The following ZFP14 variants were observed in gnomAD, a reference collection of about 807,000 sequenced individuals.
ZFP14 encodes the protein ZFP14 zinc finger protein.
A neutral mutation model predicts 54.5 loss-of-function variants in ZFP14; 22 were observed. That is an observed-to-expected ratio of 0.40 (90% confidence interval 0.29 to 0.58). The LOEUF (loss-of-function observed/expected upper bound fraction) is 0.58. Among genes scored for constraint, ZFP14 ranks in the 20% least tolerant of loss-of-function variants. The pLI is 0.39. For missense variants in ZFP14, 470 were observed against 637.8 expected (o/e 0.74, Z 2.83); for synonymous variants, 159 against 204.0 (o/e 0.78, Z 1.88).
At chr19:36,363,815 C>A (rs1600080878) in intron 2 of ZFP14, among the ~76,000 whole-genome samples, 1 of 151,862 alleles carries the variant, frequency 6.6e-6, no homozygotes, top group Non-Finnish European at 1.5e-5. Context: ...CATGGTGAAA[C>A]CCTGTCTCTA....
At chr19:36,372,798 A>G (rs1331357035) in intron 1 of ZFP14, among the ~76,000 whole-genome samples, 3 of 152,258 alleles carry the variant, frequency 2.0e-5, no homozygotes, top group African/African-American at 7.2e-5. Context: ...GGTGTCCATC[A>G]ATGGATGAAT....
intron 4 of ZFP14, 169 bp downstream of exon 4, chr19:36,360,266 A>G (rs1158856847): frequency 2.4e-6 from 1 of 409,842 alleles, no homozygotes; most frequent in African/African-American, 2.0e-5. Context: ...TTCCTTTGCT[A>G]GTCCAGGCTT....
At chr19:36,360,961 C>T (rs1471434154) in intron 3 of ZFP14, among the ~76,000 whole-genome samples, 1 of 152,074 alleles carries the variant, frequency 6.6e-6, no homozygotes, top group East Asian at 1.9e-4. Flanking sequence ...CTTCTCATAG[C>T]GTTGTTGTGA....
In ZFP14 at chr19:36,341,915, G is replaced by T. The variant is rs1428428964; in HGVS notation, c.236-325C>A. 6.6e-6 allele frequency among the ~76,000 whole-genome samples: 1 copy of T among 150,744 alleles called. No individual in the cohort carries two copies. The stretch of plus-strand genomic sequence containing the variant: ...TGCCCAGGCTGGAGTGCAGTAGTGC[G>T]ATCCCGGCTCACTGAAAGCTCCGCC... On this transcript the variant is annotated intron_variant, in intron 4 of 4. Coordinates refer to ENST00000270001, the MANE Select transcript of ZFP14 (RefSeq NM_020917.3). This position sits in a 1 kb window ranked among gnomAD's most constrained non-coding sequence, Gnocchi z 4.2.
intron 2 of ZFP14, among the ~76,000 whole-genome samples, chr19:36,364,155 T>C (rs1211396180): frequency 6.6e-6 from 1 of 152,160 alleles, no homozygotes; most frequent in African/African-American, 2.4e-5. Context: ...CACATCCTAT[T>C]CACCCTGTTG....
At position 36,340,907 on chromosome 19, in the gene ZFP14, T is replaced by C. The variant is rs778940959; in HGVS notation, c.919A>G (p.Thr307Ala). The C allele has an allele frequency of 6.2e-7, 1 of 1,614,100 alleles. No individual in the cohort carries two copies. The highest frequency in any genetic ancestry group is 1.7e-5 in the Admixed American group (1 of 60,030). ...TTACATTCATAGAGCTTTTCAGCAG[T>C]ATGAAGTCTCTGATGGCGTGTAAGG... ...THLTRHQRLH[T>A]AEKLYECKEC... Residue 307 changes from threonine (T) to alanine (A), a missense_variant, in exon 5 of 5, where the codon ACT (threonine) becomes GCT (alanine). Coordinates refer to ENST00000270001, the MANE Select transcript of ZFP14 (RefSeq NM_020917.3). The surrounding 1 kb of genome is among the most constrained non-coding windows in gnomAD (Gnocchi z 5.4).
Position 36,341,158 on chromosome 19 carries a change from G to T in ZFP14, c.668C>A (p.Thr223Asn). The T allele has an allele frequency of 6.2e-7, 1 of 1,614,140 alleles. No individual in the cohort carries two copies. The highest frequency in any genetic ancestry group is 8.5e-7 in the Non-Finnish European group (1 of 1,180,028). ...AHLIRHHKLH[T>N]GEKPYECKEC... ...CTTACATTCATAGGGTTTCTCACCG[G>T]TGTGAAGTTTGTGATGTCGAATAAG... Residue 223 changes from threonine to asparagine, a missense_variant, in exon 5 of 5, where the codon ACC becomes AAC. Transcript: ENST00000270001. This position sits in a 1 kb window ranked among gnomAD's most constrained non-coding sequence, Gnocchi z 4.2.
At chr19:36,361,695 C>A (rs1189148541) in intron 3 of ZFP14, among the ~76,000 whole-genome samples, 1 of 152,066 alleles carries the variant, frequency 6.6e-6, no homozygotes, top group South Asian at 2.1e-4. Context: ...CCACCATGCC[C>A]GGCTATGAGT....
chr19:36,350,933 A>C (rs989090740), intron 4 of ZFP14, among the ~76,000 whole-genome samples: 3 of 143,108 alleles, frequency 2.1e-5, no homozygotes, highest in Non-Finnish European at 4.6e-5. Context: ...CACAAAAATA[A>C]AGACAAAATT....
chr19:36,374,020 A>G (rs1034345068), intron 1 of ZFP14, among the ~76,000 whole-genome samples: 6 of 152,234 alleles, frequency 3.9e-5, no homozygotes, highest in African/African-American at 1.4e-4. Flanking sequence ...CCTTTTTACA[A>G]TGACTGCATT....
intron 1 of ZFP14, among the ~76,000 whole-genome samples, chr19:36,370,242 C>T (rs1200134890): frequency 2.6e-5 from 4 of 152,174 alleles, no homozygotes; most frequent in African/African-American, 9.7e-5. Flanking sequence ...CAGCTCAAGG[C>T]AGCACAGTGT....
intron 1 of ZFP14, among the ~76,000 whole-genome samples, chr19:36,370,388 A>G (rs958186482): frequency 6.6e-6 from 1 of 152,228 alleles, no homozygotes; most frequent in African/African-American, 2.4e-5. Flanking sequence ...GCCAGTAGCC[A>G]CAGACTGACC....
At chr19:36,366,454 G>A (rs576745066) in intron 2 of ZFP14, among the ~76,000 whole-genome samples, 5 of 152,178 alleles carry the variant, frequency 3.3e-5, no homozygotes, top group East Asian at 3.9e-4. Flanking sequence ...GAGTAGCTGC[G>A]TCTATAGGTG....
At position 36,338,166 on chromosome 19, in the gene ZFP14, T is replaced by C. The variant is rs1211631094; in HGVS notation, c.*2058A>G. On this transcript the variant is annotated 3_prime_UTR_variant, in exon 5 of 5. Transcript: ENST00000270001. ...CCACCATGCCTGGCTAAATTTTGTA[T>C]TTTTAGTACAGACAGGGTTTCACCA... 6.6e-6 allele frequency: 1 copy of C among 152,108 alleles called. No homozygotes were observed. The highest frequency in any genetic ancestry group is 1.5e-5 in the Non-Finnish European group (1 of 68,058). The allele number at this position is 152,108 out of a possible 1,614,324, so 9.4% of individuals were successfully genotyped here. A position where few individuals can be genotyped will look rare whatever the true frequency, so the allele number is the denominator to read the frequency against.
intron 4 of ZFP14, among the ~76,000 whole-genome samples, chr19:36,353,774 TA>T (rs532120717): frequency 2.2e-5 from 3 of 134,738 alleles, no homozygotes; most frequent in African/African-American, 8.2e-5. Flanking sequence ...ACACTTAAAA[TA>T]AAAAAAAGTC....
intron 4 of ZFP14, among the ~76,000 whole-genome samples, chr19:36,342,077 G>C (rs1386422998): frequency 6.6e-6 from 1 of 151,348 alleles, no homozygotes; most frequent in Non-Finnish European, 1.5e-5. Flanking sequence ...GGATGGTATC[G>C]ATCTCCTGAC....
chr19:36,368,458 AAAAG>A (rs2031829595), intron 1 of ZFP14, among the ~76,000 whole-genome samples: 1 of 152,172 alleles, frequency 6.6e-6, no homozygotes, highest in South Asian at 2.1e-4. Context: ...ACAAGAGCAA[AAAAG>A]AAAGAAATAC....
intron 1 of ZFP14, among the ~76,000 whole-genome samples, chr19:36,373,585 AATTAGCTAG>A (rs1197936497): frequency 6.6e-6 from 1 of 152,208 alleles, no homozygotes; most frequent in Non-Finnish European, 1.5e-5. Context: ...TTCATATGTT[AATTAGCTAG>A]ATTTAGACAT....
intron 2 of ZFP14, among the ~76,000 whole-genome samples, chr19:36,364,219 T>C (rs553969895): frequency 6.6e-6 from 1 of 152,156 alleles, no homozygotes; most frequent in African/African-American, 2.4e-5. Context: ...TAGCCCACAC[T>C]GGACAGATGA....
Sources: gnomAD v4.1 joint callset for allele counts (sites outside exome capture counted in the v4.1 genomes callset) on GRCh38, gnomAD v4.1.1 for gene constraint, Gnocchi (gnomAD v3.1) non-coding constraint, MANE v1.5 for transcripts, NCBI Gene and HGNC (gene_info 2026-07-23, HGNC 2026-07-21) for gene names.